BRD8: variants seen among roughly 807,000 people sequenced by gnomAD.
The protein encoded by BRD8 is bromodomain containing 8.
A neutral mutation model predicts 143.1 loss-of-function variants in BRD8; 67 were observed. The ratio of observed to expected loss-of-function variants is 0.47; its 90% confidence interval spans 0.38 to 0.57. BRD8 has a LOEUF of 0.57. BRD8 is among the 20% of genes least tolerant of loss of function. The pLI is 0.00. For missense variants in BRD8, 1,103 were observed against 1,503.0 expected, an observed-to-expected ratio of 0.73 and a Z score of 4.40; for synonymous variants, 505 against 517.1, an observed-to-expected ratio of 0.98 and a Z score of 0.32.
chr5:138,152,748 A>G lies in BRD8; in HGVS notation c.2590T>C (p.Trp864Arg). 3 of 1,612,592 alleles carry G rather than the reference A, an allele frequency of 1.9e-6. No homozygotes were observed. Among genetic ancestry groups the G allele is most frequent in the Non-Finnish European group, 8.5e-7 (1 of 1,178,866 alleles). The change falls in exon 21 of 27, where the codon TGG (tryptophan) becomes CGG (arginine). Residue 864 changes from tryptophan (W) to arginine (R), a missense_variant. Transcript: ENST00000254900. ...TCTTGTTCAGAATCCAGCCAAACCC[A>G]CTCGTGTCCCATCTGTAAATACACA... ...FLLSLFMGHE[W>R]VWLDSEQDHP...
chr5:138,143,293 TAGTA>T, intron 25 of BRD8, among the ~76,000 whole-genome samples: 1 of 151,914 alleles, frequency 6.6e-6, no homozygotes, highest in East Asian at 1.9e-4. Context: ...CAAAAAATAA[TAGTA>T]AGTAAAAATT....
intron 20 of BRD8, among the ~76,000 whole-genome samples, chr5:138,156,371 C>G (rs549582182): frequency 3.9e-5 from 6 of 152,150 alleles, no homozygotes; most frequent in Non-Finnish European, 8.8e-5. Flanking sequence ...AACTCCTGAC[C>G]TCGTGATCTG....
rs199570439 is a variant in BRD8, at chr5:138,154,838, T to G, written c.2578-2078A>C. Among the ~76,000 whole-genome samples, 1,196 of 151,210 alleles carry G rather than the reference T, an allele frequency of 7.9e-3. 44 individuals are homozygous for G. The East Asian group carries it at 0.12, about 15-fold the overall frequency. ...TAATAAAAAGTTCATAACTTTTTTT[T>G]TTTTTTTTTTGAGATGGAGTCTTGC... On this transcript the variant is annotated intron_variant, in intron 20 of 26. Transcript: ENST00000254900.
At chr5:138,171,256 G>A (rs1247343679) in intron 4 of BRD8, 96 bp from the exon 5 acceptor site, 1 of 1,415,146 alleles carries the variant, frequency 7.1e-7, no homozygotes, top group Non-Finnish European at 9.9e-7. Context: ...GATAACTTCT[G>A]CTATTTTTTA....
At chr5:138,174,460 G>C (rs1471064161) in intron 2 of BRD8, among the ~76,000 whole-genome samples, 1 of 151,970 alleles carries the variant, frequency 6.6e-6, no homozygotes, top group East Asian at 1.9e-4. Context: ...GCCAGGCATG[G>C]TGGCAAAGGC....
intron 17 of BRD8, 126 bp downstream of exon 17, chr5:138,161,670 T>C: frequency 3.6e-6 from 3 of 843,560 alleles, no homozygotes; most frequent in South Asian, 1.8e-5. Flanking sequence ...AGTTTAGCAC[T>C]CAGTGCCCCT....
At chr5:138,159,472 T>C in intron 20 of BRD8, 83 bp downstream of exon 20, 1 of 1,440,914 alleles carries the variant, frequency 6.9e-7, no homozygotes, top group Non-Finnish European at 9.8e-7. Flanking sequence ...GTCTGCATGT[T>C]GGATTTCCCT....
At chr5:138,168,464 C>T (rs779080759) in intron 8 of BRD8, 1 of 1,594,932 alleles carries the variant, frequency 6.3e-7, no homozygotes, top group South Asian at 1.1e-5. Context: ...ACAGAAGTCT[C>T]CATACCAGTC....
intron 23 of BRD8, among the ~76,000 whole-genome samples, chr5:138,148,156 C>A (rs1752229731): frequency 1.0e-5 from 1 of 96,240 alleles, no homozygotes. Context: ...AGCTGATGAG[C>A]TGGAAAAAAA....
intron 2 of BRD8, among the ~76,000 whole-genome samples, chr5:138,175,074 C>T (rs148198308): frequency 0.026 from 4,011 of 152,020 alleles, 98 homozygotes; most frequent in African/African-American, 0.06. Flanking sequence ...TTAGTAGAGA[C>T]GGGGTTTCAC....
intron 2 of BRD8, chr5:138,177,314 G>A (rs1045030172): frequency 1.6e-5 from 4 of 257,348 alleles, no homozygotes; most frequent in Non-Finnish European, 3.1e-5. Context: ...GGGATCACCT[G>A]AGGTCAGGAG....
Position 138,164,308 on chromosome 5 carries a change from G to A in BRD8, c.1825+12C>T. Reference sequence around the variant, plus strand: ...AAATGATTTCAAGTCAGTGAAAGAGGACTTTATTTACCTGACATTTCAAAC... The same window carrying A: ...AAATGATTTCAAGTCAGTGAAAGAGAACTTTATTTACCTGACATTTCAAAC... On this transcript the variant is annotated intron_variant, in intron 13 of 26. Transcript: ENST00000254900. The A allele has an allele frequency of 6.2e-7, 1 of 1,611,958 alleles. No individual in the cohort carries two copies. Among genetic ancestry groups the A allele is most frequent in the South Asian group, 1.1e-5 (1 of 90,972 alleles).
In BRD8 at chr5:138,165,156, T is replaced by C; in HGVS notation, c.1289A>G (p.His430Arg). The C allele has an allele frequency of 6.2e-7, 1 of 1,613,858 alleles. No homozygotes were observed. The highest frequency in any genetic ancestry group is 8.5e-7 in the Non-Finnish European group (1 of 1,179,952). The change falls in exon 12 of 27, where the codon CAT becomes CGT. Residue 430 changes from histidine to arginine, a missense_variant. This residue lies in a region of BRD8 where 53 missense variants were observed against 101.4 expected (regional missense o/e 0.52). Coordinates refer to ENST00000254900, the MANE Select transcript of BRD8 (RefSeq NM_139199.2). ...TGCTGCCACATCCAGCACTTCAGGA[T>C]GATCATCTACCTGTCCCACAAAACA... is the stretch of plus-strand genomic sequence containing the variant. ...IAIIEDKVDD[H>R]PEVLDVAAVE... is the part of the protein sequence containing the mutation.
At chr5:138,170,540 C>A (rs1561618375) in intron 6 of BRD8, 131 bp from the exon 7 acceptor site, 1 of 986,564 alleles carries the variant, frequency 1.0e-6, no homozygotes, top group Non-Finnish European at 1.6e-6. Flanking sequence ...GGAATTCTAA[C>A]CAGCAAAACA....
intron 18 of BRD8, 107 bp downstream of exon 18, chr5:138,160,784 G>T: frequency 1.0e-6 from 1 of 963,012 alleles, no homozygotes; most frequent in South Asian, 2.4e-5. Context: ...GTCCCTGACA[G>T]CTATCCACGT....
In BRD8 at chr5:138,140,879, G is replaced by T. The variant is rs746889208; in HGVS notation, c.3441C>A (p.Pro1147=). 8 of 1,613,644 alleles carry T rather than the reference G, an allele frequency of 5.0e-6. No individual in the cohort carries two copies. Among genetic ancestry groups the T allele is most frequent in the Admixed American group, 1.7e-5 (1 of 59,942 alleles). Residue 1147 remains proline (P), a synonymous_variant, in exon 26 of 27, where the codon CCC becomes CCA. Coordinates refer to ENST00000254900, the MANE Select transcript of BRD8 (RefSeq NM_139199.2). ...TTCTCTTCAGGCTAGTTAAGTCCAT[G>T]GGTCTGCAGGTGGCCAAGAAAAAAC... is the stretch of plus-strand genomic sequence containing the variant. ...APGYKDVVKR[P]MDLTSLKRNL...
rs1441756563 is a variant in BRD8, at chr5:138,152,524, T to G, written c.2814A>C (p.Ala938=). The change falls in exon 21 of 27, where the codon GCA becomes GCC. Residue 938 remains alanine, a synonymous_variant. Coordinates refer to ENST00000254900, the MANE Select transcript of BRD8 (RefSeq NM_139199.2). The stretch of plus-strand genomic sequence containing the variant: ...GGAGGTTCTGGTGGCTGGCTTTCCT[T>G]GCCGCTTCCTGAGATTCCTCACTGC... The part of the protein sequence containing the change: ...DGGSEESQEA[A]RKASHQNLLH... The G allele has an allele frequency of 6.2e-7, 1 of 1,614,210 alleles. No individual in the cohort carries two copies. Among genetic ancestry groups the G allele is most frequent in the Admixed American group, 1.7e-5 (1 of 60,018 alleles).
intron 2 of BRD8, 179 bp downstream of exon 2, chr5:138,177,392 G>A (rs1754434654): frequency 2.4e-6 from 1 of 423,390 alleles, no homozygotes; most frequent in Non-Finnish European, 4.3e-6. Flanking sequence ...TTAGCTGGGC[G>A]TGTCCGCACC....
At position 138,143,066 on chromosome 5, in the gene BRD8, C is replaced by A. The variant is rs1173592919; in HGVS notation, c.3437+2111G>T. ...TTGGGAGGCTGAGGTGGGTGAACTGCATGAGCCCAGGAGTCTGAGACAAGC... is the reference window on the plus strand; with the variant it reads ...TTGGGAGGCTGAGGTGGGTGAACTGAATGAGCCCAGGAGTCTGAGACAAGC... On this transcript the variant is annotated intron_variant, in intron 25 of 26. Coordinates refer to ENST00000254900, the MANE Select transcript of BRD8 (RefSeq NM_139199.2). 4.6e-5 allele frequency among the ~76,000 whole-genome samples: 7 copies of A among 152,286 alleles called. No individual in the cohort carries two copies. In the East Asian group the frequency reaches 1.2e-3, roughly 25 times the overall value.
Sources: gnomAD v4.1 joint callset for allele counts (sites outside exome capture counted in the v4.1 genomes callset) on GRCh38, gnomAD v4.1.1 for gene constraint, gnomAD v4.1.1 regional missense constraint, MANE v1.5 for transcripts, NCBI Gene and HGNC (gene_info 2026-07-23, HGNC 2026-07-21) for gene names.